Variants in PALM2AKAP2 observed in about 807,000 individuals in gnomAD.
PALM2AKAP2 encodes PALM2 and AKAP2 fusion, also known as PALM2-AKAP2 fusion protein.
In PALM2AKAP2, 37 loss-of-function variants were observed where a neutral mutation model predicts 71.5. The observed-to-expected ratio is 0.52, with a 90% CI of 0.40 to 0.68. PALM2AKAP2 has a LOEUF of 0.68. Ranked by LOEUF, PALM2AKAP2 falls within the 30% of genes least tolerant of loss-of-function variation. The probability of loss-of-function intolerance (pLI) is 0.00; values close to 1 mark genes in which losing one functional copy is unlikely to be tolerated. For synonymous variants in PALM2AKAP2, 468 were observed against 478.8 expected (o/e 0.98, Z 0.29); for missense variants, 1,224 against 1,191.8 (o/e 1.03, Z -0.40).
At chr9:110,045,178 T>TA (rs1391918685), upstream of PALM2AKAP2, among the ~76,000 whole-genome samples, 1 of 152,094 alleles carries the variant, frequency 6.6e-6, no homozygotes, top group Non-Finnish European at 1.5e-5. Context: ...CCTCTCCCCC[T>TA]AAAAAAATTT....
chr9:110,003,849 A>G (rs1017418778), intron 6 of PALM2AKAP2, among the ~76,000 whole-genome samples: 1 of 152,138 alleles, frequency 6.6e-6, no homozygotes, highest in African/African-American at 2.4e-5. Context: ...CTAGGATTGC[A>G]ACCCCTGCCT....
At chr9:109,712,011 GT>G (rs1490002201) in intron 1 of PALM2AKAP2, among the ~76,000 whole-genome samples, 1 of 152,098 alleles carries the variant, frequency 6.6e-6, no homozygotes, top group Non-Finnish European at 1.5e-5. Flanking sequence ...GTGTGTGTGT[GT>G]GTGTGTGTGA....
intron 2 of PALM2AKAP2, among the ~76,000 whole-genome samples, chr9:109,878,195 A>C (rs1362184626): frequency 6.6e-6 from 1 of 152,218 alleles, no homozygotes; most frequent in African/African-American, 2.4e-5. Context: ...TCTTTTACAC[A>C]TGATTTTATA....
At chr9:110,035,821 GATATGTTGTGTGTTATATATAATATATAT>G in intron 7 of PALM2AKAP2, among the ~76,000 whole-genome samples, 1 of 141,512 alleles carries the variant, frequency 7.1e-6, no homozygotes, top group Non-Finnish European at 1.5e-5. Flanking sequence ...ACATATATAT[GATATGTTGTGTGTTATATATAATATATAT>G]GATATGTTGT....
chr9:110,071,536 A>G (rs376714353), intron 1 of PALM2AKAP2, among the ~76,000 whole-genome samples: 7 of 152,150 alleles, frequency 4.6e-5, no homozygotes, highest in African/African-American at 1.7e-4. Context: ...AACTCAGTTC[A>G]CTTTCTCCCT....
chr9:109,849,857 T>C lies in PALM2AKAP2; in HGVS notation c.46-17634T>C, dbSNP rs148744873. 2.7e-3 allele frequency among the ~76,000 whole-genome samples: 417 copies of C among 152,298 alleles called. 10 individuals carry two copies. Among genetic ancestry groups the C allele is most frequent in the Non-Finnish European group, 8.5e-4 (58 of 68,014 alleles). On this transcript the variant is annotated intron_variant, in intron 1 of 9. Coordinates refer to the PALM2AKAP2 transcript ENST00000302798. ...ATTTGCCATATTTGTGGTTTCTCAT[T>C]CTTGCGCTATTTTTTTAAACCTTTC...
intron 1 of PALM2AKAP2, among the ~76,000 whole-genome samples, chr9:109,733,889 T>TA (rs1274096579): frequency 1.3e-5 from 2 of 152,228 alleles, no homozygotes; most frequent in African/African-American, 4.8e-5. Context: ...TGGTCAGAGT[T>TA]ACATTTCTTT....
intron 1 of PALM2AKAP2, among the ~76,000 whole-genome samples, chr9:109,796,467 C>T (rs1827255733): frequency 6.6e-6 from 1 of 152,114 alleles, no homozygotes; most frequent in Admixed American, 6.5e-5. Context: ...GAGCTGTCTC[C>T]AACAACTGTA....
intron 1 of PALM2AKAP2, among the ~76,000 whole-genome samples, chr9:109,728,639 A>G (rs1828510029): frequency 6.6e-6 from 1 of 152,118 alleles, no homozygotes; most frequent in South Asian, 2.1e-4. Context: ...ACTTGATCTA[A>G]ACTTGTTTTA....
At chr9:109,865,925 C>T (rs969633646) in intron 1 of PALM2AKAP2, among the ~76,000 whole-genome samples, 1 of 152,198 alleles carries the variant, frequency 6.6e-6, no homozygotes, top group Non-Finnish European at 1.5e-5. Context: ...TCACTTTTCC[C>T]ATCCACTGTC....
chr9:110,102,815 G>A (rs1294686944), intron 1 of PALM2AKAP2, among the ~76,000 whole-genome samples: 1 of 152,138 alleles, frequency 6.6e-6, no homozygotes, highest in African/African-American at 2.4e-5. Flanking sequence ...GGCCCCATCT[G>A]CCTTTTCAGA....
At chr9:109,852,755 G>A (rs1829057125) in intron 1 of PALM2AKAP2, among the ~76,000 whole-genome samples, 1 of 152,120 alleles carries the variant, frequency 6.6e-6, no homozygotes, top group Admixed American at 6.5e-5. Context: ...ATCTCATTGT[G>A]GTTTTGGTTT....
At chr9:110,008,286 T>A (rs1832819613) in intron 6 of PALM2AKAP2, among the ~76,000 whole-genome samples, 1 of 152,054 alleles carries the variant, frequency 6.6e-6, no homozygotes, top group Non-Finnish European at 1.5e-5. Flanking sequence ...TAGGGTATGT[T>A]TTCTGAGTCC....
chr9:110,016,126 C>A, intron 7 of PALM2AKAP2, 87 bp downstream of exon 7: 1 of 1,246,182 alleles, frequency 8.0e-7, no homozygotes, highest in Non-Finnish European at 1.2e-6. Flanking sequence ...GCAAAATGAA[C>A]ACTACCAATC....
chr9:109,947,672 T>A (rs979619128), intron 6 of PALM2AKAP2, among the ~76,000 whole-genome samples: 7 of 152,214 alleles, frequency 4.6e-5, no homozygotes, highest in Non-Finnish European at 1.0e-4. Flanking sequence ...AGCTCAGTCA[T>A]CTCTGCTCAT....
At chr9:109,781,198 G>T (rs1829442819) in intron 1 of PALM2AKAP2, among the ~76,000 whole-genome samples, 1 of 152,146 alleles carries the variant, frequency 6.6e-6, no homozygotes, top group Non-Finnish European at 1.5e-5. Flanking sequence ...GGCAAAGTTC[G>T]TAGGCACTTT....
intron 1 of PALM2AKAP2, among the ~76,000 whole-genome samples, chr9:109,740,917 G>A (rs752327457): frequency 2.0e-5 from 3 of 152,244 alleles, no homozygotes; most frequent in South Asian, 2.1e-4. Context: ...CTCCCAAAGC[G>A]CTGGGATTAC....
intron 1 of PALM2AKAP2, among the ~76,000 whole-genome samples, chr9:110,103,008 G>A (rs527593445): frequency 1.3e-5 from 2 of 152,086 alleles, no homozygotes; most frequent in East Asian, 3.9e-4. Context: ...CTGCATGCTG[G>A]TTCTCCTGCC....
intron 6 of PALM2AKAP2, among the ~76,000 whole-genome samples, chr9:109,997,569 G>A (rs544088976): frequency 4.6e-5 from 7 of 152,354 alleles, no homozygotes; most frequent in Admixed American, 2.6e-4. Flanking sequence ...CCTACTCAAG[G>A]AGAAATAGTT....
Sources: allele counts gnomAD v4.1 joint callset (sites outside exome capture counted in the v4.1 genomes callset), GRCh38; gene constraint gnomAD v4.1.1; transcripts MANE v1.5; gene names NCBI Gene and HGNC (gene_info 2026-07-23, HGNC 2026-07-21).